Variants in MGAT4C observed in about 807,000 individuals in gnomAD.
MGAT4C encodes the protein MGAT4 family member C, also known as alpha-1,3-mannosyl-glycoprotein 4-beta-N-acetylglucosaminyltransferase C.
MGAT4C carries 19 observed loss-of-function variants against 40.1 expected under a neutral mutation model. That is an observed-to-expected ratio of 0.47 (90% CI 0.33 to 0.70). The LOEUF (loss-of-function observed/expected upper bound fraction) is 0.70. Among genes scored for constraint, MGAT4C ranks in the 30% least tolerant of loss-of-function variants. The pLI is 0.02. For missense variants in MGAT4C, 491 were observed against 563.2 expected (o/e 0.87, Z 1.30); for synonymous variants, 181 against 187.1 (o/e 0.97, Z 0.27).
chr12:86,168,694 A>C (rs1340523143), intron 1 of MGAT4C, among the ~76,000 whole-genome samples: 4 of 152,128 alleles, frequency 2.6e-5, no homozygotes, highest in African/African-American at 9.7e-5. Flanking sequence ...AAAGGTGTTA[A>C]TTTTGTTGTA....
At chr12:85,995,683 C>G (rs1423524653) in intron 2 of MGAT4C, among the ~76,000 whole-genome samples, 2 of 152,102 alleles carry the variant, frequency 1.3e-5, no homozygotes, top group African/African-American at 4.8e-5. Flanking sequence ...CCCTGGGCAA[C>G]ATAGTGAGAC....
intron 1 of MGAT4C, among the ~76,000 whole-genome samples, chr12:86,173,207 G>C (rs1887034265): frequency 6.6e-6 from 1 of 152,008 alleles, no homozygotes; most frequent in African/African-American, 2.4e-5. Flanking sequence ...TCACCTAAAA[G>C]TGATTTTCAT....
intron 2 of MGAT4C, among the ~76,000 whole-genome samples, chr12:86,701,888 G>A (rs938323794): frequency 4.6e-5 from 7 of 152,068 alleles, no homozygotes; most frequent in African/African-American, 1.7e-4. Flanking sequence ...CTGGGTTAGA[G>A]GTTGGCTCAT....
intron 1 of MGAT4C, among the ~76,000 whole-genome samples, chr12:86,064,895 C>T (rs1221370225): frequency 3.9e-5 from 6 of 152,176 alleles, no homozygotes; most frequent in Non-Finnish European, 7.3e-5. Context: ...ACTGATCCCA[C>T]AGGAATACAA....
intron 3 of MGAT4C, among the ~76,000 whole-genome samples, chr12:86,383,037 C>G (rs1336253118): frequency 1.3e-5 from 2 of 152,200 alleles, no homozygotes; most frequent in African/African-American, 2.4e-5. Flanking sequence ...GGACCACCAT[C>G]CTTTAGACCT....
At chr12:86,113,289 G>T (rs1325819560) in intron 1 of MGAT4C, among the ~76,000 whole-genome samples, 1 of 151,716 alleles carries the variant, frequency 6.6e-6, no homozygotes, top group Non-Finnish European at 1.5e-5. Context: ...GAATTATCAA[G>T]AGTGACTTAA....
At chr12:86,455,382 A>G (rs1204087276) in intron 2 of MGAT4C, among the ~76,000 whole-genome samples, 4 of 152,142 alleles carry the variant, frequency 2.6e-5, no homozygotes, top group Non-Finnish European at 4.4e-5. Flanking sequence ...GGTTGACCCT[A>G]GTTCAGTTTC....
chr12:86,198,634 C>T (rs1949914321), intron 1 of MGAT4C, among the ~76,000 whole-genome samples: 1 of 152,060 alleles, frequency 6.6e-6, no homozygotes, highest in African/African-American at 2.4e-5. Flanking sequence ...AATTGTGACA[C>T]TCTTGTGGGT....
At chr12:86,272,106 A>C (rs1211698288) in intron 4 of MGAT4C, among the ~76,000 whole-genome samples, 2 of 152,326 alleles carry the variant, frequency 1.3e-5, no homozygotes, top group Non-Finnish European at 2.9e-5. Flanking sequence ...AATATACTTA[A>C]CAAAAATATA....
intron 1 of MGAT4C, among the ~76,000 whole-genome samples, chr12:86,178,879 C>T (rs750006330): frequency 1.3e-5 from 2 of 152,180 alleles, no homozygotes; most frequent in African/African-American, 2.4e-5. Flanking sequence ...CCCCTCAACT[C>T]TGCTGTGATC....
At chr12:86,274,753 A>G (rs572216226) in intron 4 of MGAT4C, among the ~76,000 whole-genome samples, 1 of 152,352 alleles carries the variant, frequency 6.6e-6, no homozygotes, top group South Asian at 2.1e-4. Context: ...ATTCTATTAC[A>G]TTAAGGTGAA....
chr12:86,745,046 T>C (rs2136134808), intron 1 of MGAT4C: 1 of 151,652 alleles, frequency 6.6e-6, no homozygotes, highest in East Asian at 2.0e-4. Flanking sequence ...CTGCAGGTAA[T>C]GACTGAGCTG....
chr12:86,026,494 G>GTCTA (rs1321308237), intron 2 of MGAT4C, among the ~76,000 whole-genome samples: 47 of 151,824 alleles, frequency 3.1e-4, no homozygotes, highest in Admixed American at 3.1e-3. Context: ...TTGCTGAATA[G>GTCTA]TCTAGTTGAA....
At chr12:86,598,811 G>A (rs1961645043) in intron 2 of MGAT4C, among the ~76,000 whole-genome samples, 1 of 152,056 alleles carries the variant, frequency 6.6e-6, no homozygotes, top group Non-Finnish European at 1.5e-5. Context: ...CTTCTTGGAG[G>A]CAAAAGTCTT....
chr12:86,565,669 T>C (rs1294041733), intron 2 of MGAT4C, among the ~76,000 whole-genome samples: 1 of 152,094 alleles, frequency 6.6e-6, no homozygotes, highest in Non-Finnish European at 1.5e-5. Context: ...ACAAATAAAT[T>C]TGGGGAAGAG....
chr12:86,722,818 C>A (rs1950759026), intron 2 of MGAT4C, among the ~76,000 whole-genome samples: 1 of 152,138 alleles, frequency 6.6e-6, no homozygotes, highest in South Asian at 2.1e-4. Flanking sequence ...AATGTCTATT[C>A]CTCATTCTGG....
chr12:86,127,570 G>GT (rs1880489976), intron 1 of MGAT4C, among the ~76,000 whole-genome samples: 2 of 152,054 alleles, frequency 1.3e-5, no homozygotes, highest in African/African-American at 4.8e-5. Context: ...CATTTTAATT[G>GT]TTTTTAATTT....
At chr12:86,076,930 G>A (rs955307740) in intron 1 of MGAT4C, among the ~76,000 whole-genome samples, 1 of 152,174 alleles carries the variant, frequency 6.6e-6, no homozygotes, top group Non-Finnish European at 1.5e-5. Flanking sequence ...GGAGTCCAAT[G>A]TTCTAAGGCA....
chr12:86,104,106 C>G (rs191157284), intron 1 of MGAT4C, among the ~76,000 whole-genome samples: 50 of 152,030 alleles, frequency 3.3e-4, no homozygotes, highest in Non-Finnish European at 6.0e-4. Flanking sequence ...ACAGGAGACA[C>G]TAATCCAAAG....
Sources: gnomAD v4.1 joint callset for allele counts (sites outside exome capture counted in the v4.1 genomes callset) on GRCh38, gnomAD v4.1.1 for gene constraint, MANE v1.5 for transcripts, NCBI Gene and HGNC (gene_info 2026-07-23, HGNC 2026-07-21) for gene names.